The following ABCB9 variants were observed in gnomAD, a reference collection of about 807,000 sequenced individuals.
ABCB9 encodes ATP binding cassette subfamily B member 9.
Under a neutral mutation model 62.0 loss-of-function variants are expected in ABCB9, and 36 were observed. That is an observed-to-expected ratio of 0.58 (90% confidence interval 0.45 to 0.77). The LOEUF is 0.77. Among genes scored for constraint, ABCB9 ranks in the 30% least tolerant of loss-of-function variants. The pLI, the probability that ABCB9 is intolerant of heterozygous loss-of-function variation, is 0.00. For synonymous variants in ABCB9, 435 were observed against 461.4 expected (o/e 0.94, Z 0.73); for missense variants, 943 against 1,054.7 (o/e 0.89, Z 1.47).
chr12:122,924,832 C>G (rs755840989), downstream of ABCB9: 39 of 1,534,454 alleles, frequency 2.5e-5, no homozygotes, highest in Non-Finnish European at 3.2e-5. Context: ...AGAAGGAGGA[C>G]AGTGACATTT....
At position 122,964,678 on chromosome 12, in the gene ABCB9, G is replaced by C. The variant is rs543327323; in HGVS notation, c.-88+1609C>G. 6.6e-6 allele frequency among the ~76,000 whole-genome samples: 1 copy of C among 152,256 alleles called. No individual in the cohort carries two copies. Among genetic ancestry groups the C allele is most frequent in the Non-Finnish European group, 1.5e-5 (1 of 68,034 alleles). Reference sequence around the variant, plus strand: ...CTGACTCAGAGGATGCGCTGGGCTCGGCCAGGTGGAGCTGGAGGGCAAATT... The same window carrying C: ...CTGACTCAGAGGATGCGCTGGGCTCCGCCAGGTGGAGCTGGAGGGCAAATT... On this transcript the variant is annotated intron_variant, in intron 1 of 11. Coordinates refer to ENST00000280560, the MANE Select transcript of ABCB9 (RefSeq NM_019625.4). This position sits in a 1 kb window ranked among gnomAD's most constrained non-coding sequence, Gnocchi z 4.7.
intron 11 of ABCB9, among the ~76,000 whole-genome samples, chr12:122,922,897 G>T (rs1456186072): frequency 6.6e-6 from 1 of 151,538 alleles, no homozygotes; most frequent in Non-Finnish European, 1.5e-5. Flanking sequence ...GGGCTTAAGC[G>T]ATTTTCCCAT....
chr12:122,922,090 T>A (rs902135620), intron 11 of ABCB9, among the ~76,000 whole-genome samples: 1 of 152,106 alleles, frequency 6.6e-6, no homozygotes, highest in Non-Finnish European at 1.5e-5. Flanking sequence ...ACTGGCTTGC[T>A]GTTGGGTGGC....
intron 7 of ABCB9, among the ~76,000 whole-genome samples, chr12:122,943,009 G>A (rs181657556): frequency 3.0e-3 from 457 of 152,270 alleles, no homozygotes; most frequent in Non-Finnish European, 4.5e-3. Flanking sequence ...TTGAGCCTTT[G>A]TCAGCGCAGC....
intron 2 of ABCB9, chr12:122,950,773 T>C (rs572376070): frequency 3.6e-5 from 19 of 524,812 alleles, no homozygotes; most frequent in Admixed American, 9.3e-5. Context: ...GGGCCTTGCA[T>C]CCACACAGCC....
chr12:122,919,398 C>T (rs1274225245), downstream of ABCB9, among the ~76,000 whole-genome samples: 2 of 152,098 alleles, frequency 1.3e-5, no homozygotes, highest in Non-Finnish European at 1.5e-5. Context: ...TCTCAAACTC[C>T]TGGCTTCAAG....
At chr12:122,946,893 A>G (rs1467529133) in intron 5 of ABCB9, among the ~76,000 whole-genome samples, 1 of 152,218 alleles carries the variant, frequency 6.6e-6, no homozygotes, top group East Asian at 1.9e-4. Flanking sequence ...AGGAGTCACT[A>G]TGCTGATTCT....
Position 122,944,550 on chromosome 12 carries a change from AG to A in ABCB9, c.1252-32del. 6.2e-7 allele frequency: 1 copy of A among 1,610,174 alleles called. No homozygotes were observed. The highest frequency in any genetic ancestry group is 1.1e-5 in the South Asian group (1 of 90,870). ...GCAGAGGGAGAGGGGATGTGGGTCG[AG>A]GGGACCTTAGATCCCCCACCATCCC... is the stretch of plus-strand genomic sequence containing the variant. On this transcript the variant is annotated intron_variant, in intron 6 of 11. Transcript: ENST00000280560. The surrounding 1 kb of genome is among the most constrained non-coding windows in gnomAD (Gnocchi z 4.9).
chr12:122,948,189 G>C (rs2036147559), intron 5 of ABCB9: 1 of 153,466 alleles, frequency 6.5e-6, no homozygotes, highest in African/African-American at 2.4e-5. Context: ...CCTCCTGCCT[G>C]TGCCTCCCAA....
At position 122,929,366 on chromosome 12, in the gene ABCB9, C is replaced by T. The variant is rs911197168; in HGVS notation, c.*545G>A. The T allele has an allele frequency of 4.1e-6, 4 of 985,870 alleles. No homozygotes were observed. Among genetic ancestry groups the T allele is most frequent in the Middle Eastern group, 1.0e-3 (2 of 1,936 alleles). 61.1% of individuals were successfully genotyped at this position (985,870 alleles called of 1,614,324 possible). ...CCTCCACGCTCCCTACCCGCCCTGG[C>T]CAGACTCACAGAGCTGGCAAGAGGG... On this transcript the variant is annotated 3_prime_UTR_variant, in exon 12 of 12. Coordinates refer to ENST00000280560, the MANE Select transcript of ABCB9 (RefSeq NM_019625.4). This position sits in a 1 kb window ranked among gnomAD's most constrained non-coding sequence, Gnocchi z 6.0.
In ABCB9 at chr12:122,930,781, C is replaced by A. The variant is rs889338408; in HGVS notation, c.2041-610G>T. Among the ~76,000 whole-genome samples the A allele has an allele frequency of 1.3e-5, 2 of 152,208 alleles. No homozygotes were observed. The highest frequency in any genetic ancestry group is 2.9e-5 in the Non-Finnish European group (2 of 68,004). ...GGACAAGGGTCTTTGTCTAGTTAGC[C>A]CACGATAACCCCAGAATGGTGCCTG... On this transcript the variant is annotated intron_variant, in intron 11 of 11. Coordinates refer to ENST00000280560, the MANE Select transcript of ABCB9 (RefSeq NM_019625.4). This position sits in a 1 kb window ranked among gnomAD's most constrained non-coding sequence, Gnocchi z 4.9.
intron 1 of ABCB9, among the ~76,000 whole-genome samples, chr12:122,972,227 A>G (rs2037284579): frequency 6.6e-6 from 1 of 151,570 alleles, no homozygotes; most frequent in African/African-American, 2.4e-5. Flanking sequence ...TGTAGCCAGG[A>G]TGGTCTGGAT....
intron 11 of ABCB9, among the ~76,000 whole-genome samples, chr12:122,921,900 A>T (rs1346045067): frequency 6.6e-6 from 1 of 152,232 alleles, no homozygotes; most frequent in Non-Finnish European, 1.5e-5. Flanking sequence ...GGCCAGAAAC[A>T]AATGGTCAGC....
In ABCB9 at chr12:122,932,408, G is replaced by A. The variant is rs2035227517; in HGVS notation, c.1904-80C>T. On this transcript the variant is annotated intron_variant, in intron 10 of 11. Transcript: ENST00000280560. The surrounding 1 kb of genome is among the most constrained non-coding windows in gnomAD (Gnocchi z 4.7). ...GGGGAAGAGTGAGAGGCCCTGCCCT[G>A]CAGCTGTGGAAAGGGCGGGCTGGAA... is the stretch of plus-strand genomic sequence containing the variant. 1 of 1,474,588 alleles carries A rather than the reference G, an allele frequency of 6.8e-7. No homozygotes were observed. The highest frequency in any genetic ancestry group is 2.5e-5 in the East Asian group (1 of 40,148). 91.3% of individuals were successfully genotyped at this position (1,474,588 alleles called of 1,614,324 possible). A position where few individuals can be genotyped will look rare whatever the true frequency, so the allele number is the denominator to read the frequency against.
At chr12:122,948,984 C>A in intron 4 of ABCB9, 155 bp from the exon 5 acceptor site, 1 of 607,046 alleles carries the variant, frequency 1.6e-6, no homozygotes. Flanking sequence ...AGATACCCCT[C>A]GAGGGCTACT....
chr12:122,963,735 C>A (rs2037031640), intron 1 of ABCB9, among the ~76,000 whole-genome samples: 1 of 152,166 alleles, frequency 6.6e-6, no homozygotes, highest in Non-Finnish European at 1.5e-5. Flanking sequence ...GATATAACAA[C>A]CTCCAAGCCT....
upstream of ABCB9, among the ~76,000 whole-genome samples, chr12:122,971,153 C>T (rs907258519): frequency 6.6e-5 from 10 of 151,990 alleles, no homozygotes; most frequent in Non-Finnish European, 1.2e-4. Context: ...GAGGCCAAGG[C>T]GGGTGGATCA....
At chr12:122,956,363 G>A (rs759366870) in intron 2 of ABCB9, among the ~76,000 whole-genome samples, 6 of 152,184 alleles carry the variant, frequency 3.9e-5, no homozygotes, top group Non-Finnish European at 7.3e-5. Flanking sequence ...TGAGGAGATG[G>A]GACTGAGAGG....
rs368947054 is a variant in ABCB9 at position 122,964,603 on chromosome 12, G to A, written c.-88+1684C>T. Among the ~76,000 whole-genome samples, 4 of 152,366 alleles carry A rather than the reference G, an allele frequency of 2.6e-5. No homozygotes were observed. The highest frequency in any genetic ancestry group is 4.8e-5 in the African/African-American group (2 of 41,590). ...ATTTTTAAAGCTACTGGGCAGAAGCGTGACCACCAGCCAAGGCTGCTTAGA... is the reference window on the plus strand; with the variant it reads ...ATTTTTAAAGCTACTGGGCAGAAGCATGACCACCAGCCAAGGCTGCTTAGA... On this transcript the variant is annotated intron_variant, in intron 1 of 11. Coordinates refer to ENST00000280560, the MANE Select transcript of ABCB9 (RefSeq NM_019625.4). This position sits in a 1 kb window ranked among gnomAD's most constrained non-coding sequence, Gnocchi z 4.7.
Sources: allele counts gnomAD v4.1 joint callset (sites outside exome capture counted in the v4.1 genomes callset), GRCh38; gene constraint gnomAD v4.1.1; non-coding constraint Gnocchi (gnomAD v3.1); transcripts MANE v1.5; gene names NCBI Gene and HGNC (gene_info 2026-07-23, HGNC 2026-07-21).